Variants in CLPX observed in about 807,000 individuals in gnomAD.
CLPX encodes the protein ATP-dependent clpX-like chaperone, mitochondrial.
A neutral mutation model predicts 76.4 loss-of-function variants in CLPX; 34 were observed. The ratio of observed to expected loss-of-function variants is 0.45; its 90% CI spans 0.34 to 0.59. CLPX has a LOEUF of 0.59. CLPX is among the 20% of genes least tolerant of loss of function. The probability of loss-of-function intolerance (pLI) is 0.01; values close to 1 mark genes in which losing one functional copy is unlikely to be tolerated. For missense variants in CLPX, 613 were observed against 757.0 expected (o/e 0.81, Z 2.23); for synonymous variants, 248 against 270.9 (o/e 0.92, Z 0.83).
rs376469682 is a variant in CLPX at position 65,157,848 on chromosome 15, A to G, written c.955T>C (p.Cys319Arg). ...CLDVPFAICD[C>R]TTLTQAGYVG... is the part of the protein sequence containing the mutation. Reference sequence around the variant, plus strand: ...TATCCAGCCTGAGTCAAAGTTGTACAGTCACAGATAGCAAAAGGGACATCA... The same window carrying G: ...TATCCAGCCTGAGTCAAAGTTGTACGGTCACAGATAGCAAAAGGGACATCA... Residue 319 changes from cysteine (C) to arginine (R), a missense_variant, in exon 8 of 14, where the codon TGT (cysteine) becomes CGT (arginine). Coordinates refer to ENST00000300107, the MANE Select transcript of CLPX (RefSeq NM_006660.5). The G allele has an allele frequency of 6.2e-7, 1 of 1,613,480 alleles. No homozygotes were observed. The highest frequency in any genetic ancestry group is 8.5e-7 in the Non-Finnish European group (1 of 1,179,780).
chr15:65,170,816 GTTC>G (rs1254302373), intron 3 of CLPX, among the ~76,000 whole-genome samples: 8 of 107,000 alleles, frequency 7.5e-5, no homozygotes, highest in African/African-American at 1.2e-4. Flanking sequence ...TTGTGTTTCT[GTTC>G]TTCTTTTTTT....
intron 4 of CLPX, 117 bp from the exon 5 acceptor site, chr15:65,164,305 T>C: frequency 1.3e-6 from 1 of 756,800 alleles, no homozygotes; most frequent in South Asian, 2.0e-5. Context: ...AAGACTCTCA[T>C]TAAAAACAAA....
chr15:65,184,494 C>G (rs1329286486), intron 1 of CLPX: 1 of 152,462 alleles, frequency 6.6e-6, no homozygotes, highest in African/African-American at 2.4e-5. Flanking sequence ...TGCCTGACGC[C>G]GGGAAGTATT....
intron 3 of CLPX, among the ~76,000 whole-genome samples, chr15:65,175,530 A>T (rs1011130074): frequency 1.3e-5 from 2 of 152,102 alleles, no homozygotes; most frequent in Non-Finnish European, 2.9e-5. Flanking sequence ...CAAACAAAAA[A>T]ACAGGCTGAG....
rs778135061 is a variant in CLPX, at chr15:65,154,763, C to G, written c.1611+19G>C. 1 of 1,554,048 alleles carries G rather than the reference C, an allele frequency of 6.4e-7. No individual in the cohort carries two copies. The highest frequency in any genetic ancestry group is 2.3e-5 in the East Asian group (1 of 43,976). ...CAAGAAAATAAAAAATAACTAAGTACAAAAAATAAAAATCTAACCTTATCC... is the reference window on the plus strand; with the variant it reads ...CAAGAAAATAAAAAATAACTAAGTAGAAAAAATAAAAATCTAACCTTATCC... On this transcript the variant is annotated intron_variant, in intron 11 of 13. Transcript: ENST00000300107.
At chr15:65,159,534 C>T (rs1394865305) in intron 6 of CLPX, among the ~76,000 whole-genome samples, 1 of 151,984 alleles carries the variant, frequency 6.6e-6, no homozygotes, top group Non-Finnish European at 1.5e-5. Context: ...TGCTTGAACC[C>T]GGGAGGCGGG....
intron 1 of CLPX, among the ~76,000 whole-genome samples, chr15:65,183,031 C>T (rs1345008470): frequency 6.7e-6 from 1 of 149,722 alleles, no homozygotes; most frequent in East Asian, 1.9e-4. Context: ...GGCGTGGTGG[C>T]GCGCGCCTGT....
intron 3 of CLPX, among the ~76,000 whole-genome samples, chr15:65,178,596 T>C (rs1230722682): frequency 6.6e-6 from 1 of 152,006 alleles, no homozygotes; most frequent in East Asian, 1.9e-4. Context: ...AGACAGGGTC[T>C]CTGTCACCCA....
intron 1 of CLPX, 139 bp from the exon 2 acceptor site, chr15:65,180,343 C>T: frequency 3.6e-6 from 2 of 555,360 alleles, no homozygotes; most frequent in Non-Finnish European, 5.9e-6. Context: ...AAAAAAATGA[C>T]ACCAACGGAG....
intron 6 of CLPX, among the ~76,000 whole-genome samples, chr15:65,159,735 G>A (rs934757302): frequency 6.6e-6 from 1 of 151,760 alleles, no homozygotes; most frequent in African/African-American, 2.4e-5. Context: ...GATTGTTCTT[G>A]GTTCTTAGCA....
intron 1 of CLPX, among the ~76,000 whole-genome samples, chr15:65,183,460 C>CAAAAAAAAAAA (rs61002905): frequency 9.1e-4 from 60 of 66,196 alleles, no homozygotes; most frequent in Admixed American, 1.1e-3. Context: ...GACTCTGTCT[C>CAAAAAAAAAAA]AAAAAAAAAA....
At chr15:65,174,777 A>G (rs1054403834) in intron 3 of CLPX, among the ~76,000 whole-genome samples, 1 of 152,160 alleles carries the variant, frequency 6.6e-6, no homozygotes, top group Non-Finnish European at 1.5e-5. Flanking sequence ...CACATATGAA[A>G]AGTTAGCTCC....
intron 13 of CLPX, 104 bp from the exon 14 acceptor site, chr15:65,151,017 C>A (rs1467559589): frequency 2.8e-6 from 2 of 708,706 alleles, no homozygotes; most frequent in Non-Finnish European, 4.7e-6. Flanking sequence ...AAGAAAGCCA[C>A]GATAATAGAA....
intron 3 of CLPX, among the ~76,000 whole-genome samples, chr15:65,170,340 A>G (rs1307546291): frequency 1.3e-5 from 2 of 151,866 alleles, no homozygotes; most frequent in Non-Finnish European, 2.9e-5. Context: ...AATTCATGGA[A>G]TTTTTTTTCC....
chr15:65,184,422 G>C (rs762093120), intron 1 of CLPX: 1 of 152,366 alleles, frequency 6.6e-6, no homozygotes, highest in Non-Finnish European at 1.5e-5. Flanking sequence ...AAGTACTTCC[G>C]AACCAACTCC....
At position 65,157,888 on chromosome 15, in the gene CLPX, G is replaced by A. The variant is rs760754321; in HGVS notation, c.915C>T (p.Thr305=). Residue 305 remains threonine, a synonymous_variant, in exon 8 of 14, where the codon ACC becomes ACT. Coordinates refer to ENST00000300107, the MANE Select transcript of CLPX (RefSeq NM_006660.5). The part of the protein sequence containing the change: ...TGSGKTLLAQ[T]LAKCLDVPFA... The stretch of plus-strand genomic sequence containing the variant: ...AAGGGACATCAAGGCATTTAGCTAG[G>A]GTTTGTGCCAGCAGAGTTTTACCTA... 1.9e-6 allele frequency: 3 copies of A among 1,600,880 alleles called. No individual in the cohort carries two copies. The highest frequency in any genetic ancestry group is 1.7e-5 in the Admixed American group (1 of 57,606).
intron 3 of CLPX, among the ~76,000 whole-genome samples, chr15:65,168,887 C>T (rs1337504038): frequency 2.1e-5 from 3 of 141,758 alleles, no homozygotes; most frequent in Non-Finnish European, 3.2e-5. Context: ...GACAGGGTAT[C>T]GCTCTGTTGC....
At chr15:65,172,743 T>C (rs1262154417) in intron 3 of CLPX, among the ~76,000 whole-genome samples, 1 of 152,138 alleles carries the variant, frequency 6.6e-6, no homozygotes, top group Non-Finnish European at 1.5e-5. Context: ...ATTAGGGAAA[T>C]GCAAATCAAA....
chr15:65,168,499 C>T (rs1451524113), intron 3 of CLPX, among the ~76,000 whole-genome samples: 1 of 140,686 alleles, frequency 7.1e-6, no homozygotes, highest in Non-Finnish European at 1.5e-5. Flanking sequence ...ATCGCAAGGA[C>T]AGAAAACCAA....
Sources: allele counts gnomAD v4.1 joint callset (sites outside exome capture counted in the v4.1 genomes callset), GRCh38; gene constraint gnomAD v4.1.1; transcripts MANE v1.5; gene names NCBI Gene and HGNC (gene_info 2026-07-23, HGNC 2026-07-21).